Variants in NCKAP1 observed in about 807,000 individuals in gnomAD.
The protein encoded by NCKAP1 is NCK associated protein 1.
A neutral mutation model predicts 151.2 loss-of-function variants in NCKAP1; 21 were observed. The observed-to-expected ratio is 0.14, with a 90% CI of 0.10 to 0.20. The LOEUF (loss-of-function observed/expected upper bound fraction) is 0.20. Among genes scored for constraint, NCKAP1 ranks in the 10% least tolerant of loss-of-function variants. The probability of loss-of-function intolerance (pLI) is 1.00; values close to 1 mark genes in which losing one functional copy is unlikely to be tolerated. For missense variants in NCKAP1, 933 were observed against 1,352.1 expected (o/e 0.69, Z 4.86); for synonymous variants, 484 against 451.8 (o/e 1.07, Z -0.90).
At chr2:183,028,858 A>C (rs1698949587) in intron 1 of NCKAP1, among the ~76,000 whole-genome samples, 1 of 152,140 alleles carries the variant, frequency 6.6e-6, no homozygotes, top group Admixed American at 6.5e-5. Context: ...TCACGCCTGT[A>C]ATCCCAGCAC....
At chr2:182,998,313 T>C (rs573355390) in intron 6 of NCKAP1, among the ~76,000 whole-genome samples, 2 of 152,170 alleles carry the variant, frequency 1.3e-5, no homozygotes, top group South Asian at 2.1e-4. Context: ...ACCACTTCTA[T>C]TCAACATAGT....
chr2:183,021,600 A>C (rs1698798977), intron 2 of NCKAP1, among the ~76,000 whole-genome samples: 1 of 152,164 alleles, frequency 6.6e-6, no homozygotes, highest in African/African-American at 2.4e-5. Context: ...GACAGAGTGA[A>C]ACCCTGTCTC....
Position 183,001,831 on chromosome 2 carries a change from T to TA in NCKAP1, c.603+121dup. 5.2e-6 allele frequency: 4 copies of TA among 762,032 alleles called. No homozygotes were observed. In the South Asian group the frequency reaches 7.3e-5, roughly 14 times the overall value. The allele number at this position is 762,032 out of a possible 1,614,324, so 47.2% of individuals were successfully genotyped here. On this transcript the variant is annotated intron_variant, in intron 6 of 30. Transcript: ENST00000361354. Reference sequence around the variant, plus strand: ...GTCTATAATTAGATAAAAGCACACATAACTATTACTTATATCCCATTATAG... The same window carrying TA: ...GTCTATAATTAGATAAAAGCACACATAAACTATTACTTATATCCCATTATAG...
Position 182,943,968 on chromosome 2 carries a change from A to G in NCKAP1, c.2602-1805T>C, listed in dbSNP as rs192700852. On this transcript the variant is annotated intron_variant, in intron 23 of 30. Coordinates refer to ENST00000361354, the MANE Select transcript of NCKAP1 (RefSeq NM_013436.5). ...TTCCCCATCTTTTGTGCGCATAAAAATTCTCTAGAGAACTCCTTACAAACA... is the reference window on the plus strand; with the variant it reads ...TTCCCCATCTTTTGTGCGCATAAAAGTTCTCTAGAGAACTCCTTACAAACA... 3.9e-3 allele frequency among the ~76,000 whole-genome samples: 595 copies of G among 152,260 alleles called. 4 individuals carry two copies. The highest frequency in any genetic ancestry group is 5.8e-3 in the Non-Finnish European group (392 of 68,000).
intron 2 of NCKAP1, among the ~76,000 whole-genome samples, chr2:183,012,779 ATTT>A (rs58239552): frequency 2.3e-5 from 3 of 127,852 alleles, no homozygotes; most frequent in African/African-American, 8.6e-5. Context: ...ACACCTGGCT[ATTT>A]TTTTTTTTTT....
chr2:182,964,911 T>C (rs1252256219), intron 16 of NCKAP1, 103 bp from the exon 17 acceptor site: 13 of 801,852 alleles, frequency 1.6e-5, no homozygotes, highest in Non-Finnish European at 1.7e-5. Context: ...TGATAACTGG[T>C]AGCACTGATT....
At position 182,959,856 on chromosome 2, in the gene NCKAP1, A is replaced by T. The variant is rs1003576369; in HGVS notation, c.1882-2260T>A. ...AGAAAACCCCATTGTCTCAGCCCAA[A>T]ATCTCAAGCTGATAGGCAACTTCAG... is the stretch of plus-strand genomic sequence containing the variant. On this transcript the variant is annotated intron_variant, in intron 18 of 30. Transcript: ENST00000361354. Among the ~76,000 whole-genome samples, 3 of 152,190 alleles carry T rather than the reference A, an allele frequency of 2.0e-5. 1 individual carries two copies. The highest frequency in any genetic ancestry group is 4.4e-5 in the Non-Finnish European group (3 of 68,028).
intron 10 of NCKAP1, among the ~76,000 whole-genome samples, chr2:182,984,262 G>C (rs571682517): frequency 1.8e-4 from 28 of 151,984 alleles, no homozygotes; most frequent in African/African-American, 6.5e-4. Flanking sequence ...GGGAAAGGAA[G>C]GGATAATCAT....
chr2:183,014,845 G>C (rs1418368682), intron 2 of NCKAP1, among the ~76,000 whole-genome samples: 1 of 152,194 alleles, frequency 6.6e-6, no homozygotes, highest in Non-Finnish European at 1.5e-5. Flanking sequence ...GGAAACCAAA[G>C]TTAAAGGTCA....
rs1160888832 is a variant in NCKAP1 at position 182,924,722 on chromosome 2, A to G, written c.*980T>C. 1.3e-5 allele frequency: 2 copies of G among 152,162 alleles called. No homozygotes were observed. The highest frequency in any genetic ancestry group is 1.9e-4 in the East Asian group (1 of 5,202). 9.4% of individuals were successfully genotyped at this position (152,162 alleles called of 1,614,324 possible). On this transcript the variant is annotated 3_prime_UTR_variant, in exon 31 of 31. Transcript: ENST00000361354. ...TAATTTTGGTATTTTTTTCAATAAA[A>G]TGTTTTTTAAAACATTTAAACAAAT... is the stretch of plus-strand genomic sequence containing the variant.
At chr2:182,935,483 T>C in intron 24 of NCKAP1, 108 bp from the exon 25 acceptor site, 1 of 594,570 alleles carries the variant, frequency 1.7e-6, no homozygotes, top group Non-Finnish European at 2.8e-6. Context: ...ATTCCCATGA[T>C]AAAAGGCACA....
chr2:182,983,215 A>G, intron 11 of NCKAP1, 71 bp downstream of exon 11: 1 of 1,260,692 alleles, frequency 7.9e-7, no homozygotes, highest in South Asian at 1.4e-5. Flanking sequence ...ATTTCAGTAA[A>G]ATTTCACTTA....
chr2:182,939,512 A>G (rs938819080), intron 24 of NCKAP1, among the ~76,000 whole-genome samples: 2 of 152,192 alleles, frequency 1.3e-5, no homozygotes, highest in African/African-American at 4.8e-5. Flanking sequence ...TGGGCACCAG[A>G]GCAAGGCTCC....
chr2:182,937,321 C>T (rs1457120232), intron 24 of NCKAP1, among the ~76,000 whole-genome samples: 1 of 152,040 alleles, frequency 6.6e-6, no homozygotes, highest in Non-Finnish European at 1.5e-5. Context: ...AGAAACACTG[C>T]TTAATGTATT....
At position 182,953,235 on chromosome 2, in the gene NCKAP1, G is replaced by A; in HGVS notation, c.2250C>T (p.Leu750=). 6.2e-7 allele frequency: 1 copy of A among 1,612,694 alleles called. No homozygotes were observed. Among genetic ancestry groups the A allele is most frequent in the Non-Finnish European group, 8.5e-7 (1 of 1,178,916 alleles). ...TCTGCACATAGTTTTCTATTGACTG[G>A]AGTACGGTCATGTATGCTCTTACAC... is the stretch of plus-strand genomic sequence containing the variant. ...LTSVRAYMTV[L]QSIENYVQID... is the part of the protein sequence containing the mutation. The change falls in exon 21 of 31, where the codon CTC becomes CTT. Residue 750 remains leucine (L), a synonymous_variant. Coordinates refer to ENST00000361354, the MANE Select transcript of NCKAP1 (RefSeq NM_013436.5).
chr2:182,948,973 A>G (rs1464689622), intron 23 of NCKAP1, among the ~76,000 whole-genome samples: 2 of 152,234 alleles, frequency 1.3e-5, no homozygotes, highest in Non-Finnish European at 2.9e-5. Flanking sequence ...GGAAGGAGTG[A>G]GAAAGATGGC....
At chr2:182,964,043 A>G (rs1028424523) in intron 17 of NCKAP1, among the ~76,000 whole-genome samples, 3 of 152,256 alleles carry the variant, frequency 2.0e-5, no homozygotes, top group Admixed American at 2.0e-4. Context: ...AAGTTAAATT[A>G]TAATAAAGAA....
intron 1 of NCKAP1, among the ~76,000 whole-genome samples, chr2:183,024,486 A>C (rs1273168160): frequency 6.6e-6 from 1 of 152,196 alleles, no homozygotes; most frequent in African/African-American, 2.4e-5. Flanking sequence ...TACCAGCAGC[A>C]CTTCAAACAA....
At chr2:182,997,170 T>C (rs187388361) in intron 6 of NCKAP1, among the ~76,000 whole-genome samples, 1 of 152,324 alleles carries the variant, frequency 6.6e-6, no homozygotes, top group East Asian at 1.9e-4. Flanking sequence ...TAAGAGTCTG[T>C]CAACCTTATT....
Sources: gnomAD v4.1 joint callset for allele counts (sites outside exome capture counted in the v4.1 genomes callset) on GRCh38, gnomAD v4.1.1 for gene constraint, MANE v1.5 for transcripts, NCBI Gene and HGNC (gene_info 2026-07-23, HGNC 2026-07-21) for gene names.